The following ITGA8 variants were observed in gnomAD, a reference collection of about 807,000 sequenced individuals.
ITGA8 encodes integrin subunit alpha 8.
In ITGA8, 91 loss-of-function variants were observed where a neutral mutation model predicts 142.3. That is an observed-to-expected ratio of 0.64 (90% CI 0.54 to 0.76). The LOEUF is 0.76. Ranked by LOEUF, ITGA8 falls within the 30% of genes least tolerant of loss-of-function variation. The pLI, the probability that ITGA8 is intolerant of heterozygous loss-of-function variation, is 0.00. For missense variants in ITGA8, 1,406 were observed against 1,327.7 expected (o/e 1.06, Z -0.92); for synonymous variants, 505 against 485.2 (o/e 1.04, Z -0.54).
At chr10:15,577,484 G>T (rs894603682) in intron 23 of ITGA8, among the ~76,000 whole-genome samples, 1 of 152,028 alleles carries the variant, frequency 6.6e-6, no homozygotes, top group Non-Finnish European at 1.5e-5. Flanking sequence ...TAGTGAAGAC[G>T]ACTTAAACTT....
At chr10:15,709,189 C>T (rs565523998) in intron 2 of ITGA8, among the ~76,000 whole-genome samples, 2 of 152,278 alleles carry the variant, frequency 1.3e-5, no homozygotes, top group East Asian at 3.9e-4. Flanking sequence ...TGACATAAAA[C>T]CTTTTCTGTT....
intron 26 of ITGA8, among the ~76,000 whole-genome samples, chr10:15,554,261 T>C (rs1236621629): frequency 6.6e-6 from 1 of 152,212 alleles, no homozygotes; most frequent in Non-Finnish European, 1.5e-5. Context: ...ATGAGCCTTC[T>C]CTGTATCATC....
intron 1 of ITGA8, 73 bp from the exon 2 acceptor site, chr10:15,718,972 C>T: frequency 1.2e-6 from 2 of 1,604,830 alleles, no homozygotes; most frequent in East Asian, 2.2e-5. Context: ...TCTCTGTAAC[C>T]TCCTGCCCGG....
Position 15,591,112 on chromosome 10 carries a change from C to G in ITGA8, c.2291+1113G>C, listed in dbSNP as rs112725529. On this transcript the variant is annotated intron_variant, in intron 22 of 29. Transcript: ENST00000378076. ...TCATTATTCTAAAAGTTATCACACT[C>G]TAATGGTACTTCTTGCAAGATATTA... Among the ~76,000 whole-genome samples the G allele has an allele frequency of 3.9e-3, 587 of 152,266 alleles. 6 individuals carry two copies. Among genetic ancestry groups the G allele is most frequent in the African/African-American group, 0.014 (565 of 41,564 alleles).
At chr10:15,589,037 C>A (rs958318151) in intron 22 of ITGA8, among the ~76,000 whole-genome samples, 1 of 152,156 alleles carries the variant, frequency 6.6e-6, no homozygotes, top group African/African-American at 2.4e-5. Context: ...AGGAAAGCTC[C>A]CTCACTAATA....
At chr10:15,667,617 T>A (rs559700223) in intron 8 of ITGA8, among the ~76,000 whole-genome samples, 4 of 152,368 alleles carry the variant, frequency 2.6e-5, no homozygotes, top group African/African-American at 9.6e-5. Flanking sequence ...TGTTAGGGTG[T>A]CAATTTTAGA....
chr10:15,668,612 C>CAT, intron 8 of ITGA8, among the ~76,000 whole-genome samples: 1 of 152,026 alleles, frequency 6.6e-6, no homozygotes, highest in South Asian at 2.1e-4. Context: ...TTCTTCCTAG[C>CAT]CTGGATGGTC....
chr10:15,627,016 A>G (rs1833596125), intron 13 of ITGA8, among the ~76,000 whole-genome samples: 1 of 152,144 alleles, frequency 6.6e-6, no homozygotes, highest in Non-Finnish European at 1.5e-5. Flanking sequence ...GGACACCCTC[A>G]TCTAAGAACT....
chr10:15,624,043 A>G (rs907816430), intron 13 of ITGA8, among the ~76,000 whole-genome samples: 9 of 152,052 alleles, frequency 5.9e-5, no homozygotes, highest in East Asian at 1.9e-4. Flanking sequence ...GTAGTATTCC[A>G]CTGTGTAGAT....
At chr10:15,601,382 A>T (rs1305474070) in intron 20 of ITGA8, among the ~76,000 whole-genome samples, 1 of 152,150 alleles carries the variant, frequency 6.6e-6, no homozygotes, top group Non-Finnish European at 1.5e-5. Context: ...GTTCACAGAG[A>T]CAGAAAGTAG....
chr10:15,649,975 A>G (rs983522709), intron 11 of ITGA8, among the ~76,000 whole-genome samples: 11 of 152,270 alleles, frequency 7.2e-5, no homozygotes, highest in Non-Finnish European at 1.5e-4. Context: ...ACAGATATAC[A>G]TACAAAAATA....
At chr10:15,694,292 T>TAC (rs1834997157) in intron 2 of ITGA8, among the ~76,000 whole-genome samples, 1 of 127,304 alleles carries the variant, frequency 7.9e-6, no homozygotes, top group African/African-American at 3.4e-5. Context: ...TCAGATAATA[T>TAC]ATCATATATA....
intron 13 of ITGA8, among the ~76,000 whole-genome samples, chr10:15,617,335 A>T (rs925815252): frequency 6.6e-6 from 1 of 152,046 alleles, no homozygotes; most frequent in Non-Finnish European, 1.5e-5. Flanking sequence ...GCAATCCTGG[A>T]CTAGGTAAGG....
At chr10:15,528,925 G>A (rs529996197) in intron 28 of ITGA8, among the ~76,000 whole-genome samples, 34 of 152,144 alleles carry the variant, frequency 2.2e-4, no homozygotes, top group African/African-American at 7.9e-4. Context: ...TTTTAACTGT[G>A]CACATCTATC....
At chr10:15,518,440 T>C (rs145768221) in intron 29 of ITGA8, among the ~76,000 whole-genome samples, 40 of 152,380 alleles carry the variant, frequency 2.6e-4, no homozygotes, top group African/African-American at 8.4e-4. Flanking sequence ...CACAAAGAGC[T>C]GATAACGATC....
At chr10:15,616,427 C>T (rs1355365668) in intron 14 of ITGA8, 87 bp downstream of exon 14, 13 of 985,166 alleles carry the variant, frequency 1.3e-5, no homozygotes, top group Non-Finnish European at 2.1e-5. Context: ...CAGAATAAAT[C>T]GTTGGAATGC....
At chr10:15,616,442 T>C in intron 14 of ITGA8, 72 bp downstream of exon 14, 1 of 1,159,966 alleles carries the variant, frequency 8.6e-7, no homozygotes, top group East Asian at 2.3e-5. Context: ...GAATGCTCTC[T>C]TTAAGGCAGA....
chr10:15,539,639 G>A (rs1833528162), intron 27 of ITGA8, among the ~76,000 whole-genome samples: 1 of 152,114 alleles, frequency 6.6e-6, no homozygotes, highest in Non-Finnish European at 1.5e-5. Flanking sequence ...AAGAGGAAAG[G>A]CAGCCTAATT....
At chr10:15,649,143 T>C (rs1834040208) in intron 11 of ITGA8, among the ~76,000 whole-genome samples, 1 of 152,126 alleles carries the variant, frequency 6.6e-6, no homozygotes, top group Admixed American at 6.5e-5. Flanking sequence ...AGTGAGTGTC[T>C]AGACATGCTT....
Sources: allele counts gnomAD v4.1 joint callset (sites outside exome capture counted in the v4.1 genomes callset), GRCh38; gene constraint gnomAD v4.1.1; transcripts MANE v1.5; gene names NCBI Gene and HGNC (gene_info 2026-07-23, HGNC 2026-07-21).